JDP2: variants seen among roughly 807,000 people sequenced by gnomAD.
JDP2 encodes progesterone receptor co-activator.
Under a neutral mutation model 17.1 loss-of-function variants are expected in JDP2, and 9 were observed. The observed-to-expected ratio is 0.53, with a 90% CI of 0.32 to 0.92. The LOEUF (loss-of-function observed/expected upper bound fraction) is 0.92. JDP2 is among the 40% of genes least tolerant of loss of function. The pLI, the probability that JDP2 is intolerant of heterozygous loss-of-function variation, is 0.04. For missense variants in JDP2, 179 were observed against 220.0 expected (o/e 0.81, Z 1.18); for synonymous variants, 107 against 95.6 (o/e 1.12, Z -0.69).
rs1886788109 is a variant in JDP2 at position 75,470,747 on chromosome 14, G to A, written c.*1272G>A. On this transcript the variant is annotated 3_prime_UTR_variant, in exon 4 of 4. Coordinates refer to ENST00000651602, the MANE Select transcript of JDP2 (RefSeq NM_001135048.2). ...AAGTCTTGCCCTTGTGGGGCCTCCA[G>A]TAAGGAGTGAATCCTGTGCTTGCTC... 2 of 152,278 alleles carry A rather than the reference G, an allele frequency of 1.3e-5. No homozygotes were observed. Among genetic ancestry groups the A allele is most frequent in the Non-Finnish European group, 2.9e-5 (2 of 68,058 alleles). The allele number at this position is 152,278 out of a possible 1,614,324, so 9.4% of individuals were successfully genotyped here.
At chr14:75,453,828 A>G (rs575027578) in intron 2 of JDP2, among the ~76,000 whole-genome samples, 32 of 152,292 alleles carry the variant, frequency 2.1e-4, no homozygotes, top group African/African-American at 7.2e-4. Flanking sequence ...CCAGGCAACA[A>G]TTCTTAGTAT....
chr14:75,435,755 T>G (rs1386969086), intron 1 of JDP2, among the ~76,000 whole-genome samples: 1 of 152,186 alleles, frequency 6.6e-6, no homozygotes, highest in Non-Finnish European at 1.5e-5. Flanking sequence ...CAGATCTTTT[T>G]CTGATGGCCC....
At chr14:75,455,067 A>T (rs1162816178) in intron 2 of JDP2, among the ~76,000 whole-genome samples, 1 of 152,148 alleles carries the variant, frequency 6.6e-6, no homozygotes, top group Non-Finnish European at 1.5e-5. Context: ...TTGCAGGTGG[A>T]ATCATGACAA....
intron 1 of JDP2, among the ~76,000 whole-genome samples, chr14:75,433,195 CAAAAAA>C (rs780191475): frequency 6.2e-4 from 12 of 19,370 alleles, no homozygotes; most frequent in South Asian, 5.9e-3. Flanking sequence ...AACTCCGTCT[CAAAAAA>C]AAAAAAAAAA....
Position 75,447,996 on chromosome 14 carries a change from A to G in JDP2, c.201+9875A>G, listed in dbSNP as rs75850276. On this transcript the variant is annotated intron_variant, in intron 2 of 3. Coordinates refer to ENST00000651602, the MANE Select transcript of JDP2 (RefSeq NM_001135048.2). ...AGCTATCACCTACCTACCATTTGTAACTAACTACTAAACTGAATGCGCAAG... is the reference window on the plus strand; with the variant it reads ...AGCTATCACCTACCTACCATTTGTAGCTAACTACTAAACTGAATGCGCAAG... 5.9e-3 allele frequency among the ~76,000 whole-genome samples: 901 copies of G among 152,272 alleles called. 7 individuals are homozygous for G. Among genetic ancestry groups the G allele is most frequent in the African/African-American group, 0.021 (868 of 41,562 alleles).
intron 2 of JDP2, among the ~76,000 whole-genome samples, chr14:75,447,920 A>G (rs1885679274): frequency 1.3e-5 from 2 of 152,118 alleles, no homozygotes; most frequent in Admixed American, 1.3e-4. Context: ...TGGCCTCCCA[A>G]AGTGCTGGGA....
intron 2 of JDP2, among the ~76,000 whole-genome samples, 192 bp downstream of exon 2, chr14:75,438,313 C>G (rs1174590640): frequency 6.6e-6 from 1 of 152,146 alleles, no homozygotes; most frequent in Non-Finnish European, 1.5e-5. Context: ...CAAGATCCCC[C>G]AGGGATTCGT....
intron 2 of JDP2, among the ~76,000 whole-genome samples, chr14:75,457,485 T>C (rs1886163560): frequency 6.6e-6 from 1 of 152,250 alleles, no homozygotes; most frequent in African/African-American, 2.4e-5. Context: ...TTTCTACACC[T>C]CTGGGCAGCT....
chr14:75,468,905 G>C (rs908610907), intron 3 of JDP2, among the ~76,000 whole-genome samples: 2 of 152,230 alleles, frequency 1.3e-5, no homozygotes, highest in African/African-American at 4.8e-5. Flanking sequence ...CCGTAGACCT[G>C]CTCTAGGTCC....
At chr14:75,437,087 G>T (rs574302343) in intron 1 of JDP2, among the ~76,000 whole-genome samples, 3 of 151,206 alleles carry the variant, frequency 2.0e-5, no homozygotes, top group Admixed American at 1.3e-4. Context: ...CCAGCTACTC[G>T]TGAGGCTGAG....
Position 75,430,810 on chromosome 14 carries a change from T to TTG in JDP2, c.-24+2571_-24+2572dup, listed in dbSNP as rs373610188. On this transcript the variant is annotated intron_variant, in intron 1 of 3. Transcript: ENST00000651602. The surrounding 1 kb of genome is among the most constrained non-coding windows in gnomAD (Gnocchi z 4.5). ...TGTGCATGTGTGTGCACATGCGTTC[T>TTG]TGTGTGTGTGTGTGGTTTGGCCTCT... is the stretch of plus-strand genomic sequence containing the variant. 1.2e-4 allele frequency among the ~76,000 whole-genome samples: 18 copies of TTG among 151,866 alleles called. No homozygotes were observed. Among genetic ancestry groups the TTG allele is most frequent in the East Asian group, 3.9e-4 (2 of 5,172 alleles).
At chr14:75,448,576 A>T (rs1423271228) in intron 2 of JDP2, among the ~76,000 whole-genome samples, 3 of 152,216 alleles carry the variant, frequency 2.0e-5, no homozygotes, top group Non-Finnish European at 4.4e-5. Flanking sequence ...TGGTTCCCCG[A>T]ATCTGTGTAA....
At chr14:75,453,031 C>T (rs988057667) in intron 2 of JDP2, among the ~76,000 whole-genome samples, 1 of 152,114 alleles carries the variant, frequency 6.6e-6, no homozygotes, top group Admixed American at 6.5e-5. Flanking sequence ...TGCAGGCTGC[C>T]GGGGGTCAGC....
intron 2 of JDP2, among the ~76,000 whole-genome samples, chr14:75,457,697 C>A (rs879620093): frequency 2.0e-5 from 3 of 152,216 alleles, no homozygotes; most frequent in Non-Finnish European, 2.9e-5. Flanking sequence ...CAGCACACAC[C>A]CTAAGTTTTT....
At chr14:75,449,447 T>C (rs1885752323) in intron 2 of JDP2, among the ~76,000 whole-genome samples, 1 of 152,248 alleles carries the variant, frequency 6.6e-6, no homozygotes, top group Non-Finnish European at 1.5e-5. Context: ...CCATTTGTTG[T>C]TGTTAAAGAG....
chr14:75,435,359 C>G (rs952719943), intron 1 of JDP2, among the ~76,000 whole-genome samples: 13 of 152,194 alleles, frequency 8.5e-5, no homozygotes, highest in African/African-American at 3.1e-4. Context: ...TCTGGGCTCC[C>G]ATGCAGGCTA....
rs534899669 is a variant in JDP2 at position 75,428,247 on chromosome 14, T to A, written c.-29T>A. 2.1e-5 allele frequency: 3 copies of A among 145,756 alleles called. No individual in the cohort carries two copies. Among genetic ancestry groups the A allele is most frequent in the Non-Finnish European group, 4.6e-5 (3 of 65,534 alleles). 9.0% of individuals were successfully genotyped at this position (145,756 alleles called of 1,614,324 possible). On this transcript the variant is annotated 5_prime_UTR_variant, in exon 1 of 4. Coordinates refer to ENST00000651602, the MANE Select transcript of JDP2 (RefSeq NM_001135048.2). This position sits in a 1 kb window ranked among gnomAD's most constrained non-coding sequence, Gnocchi z 5.6. ...GGGCGCCGCCTCCCCCCGCACCTTCTGCACGGTGGGTGCGAGGGCGCGCGC... is the reference window on the plus strand; with the variant it reads ...GGGCGCCGCCTCCCCCCGCACCTTCAGCACGGTGGGTGCGAGGGCGCGCGC...
At chr14:75,432,949 C>T (rs1384077272) in intron 1 of JDP2, among the ~76,000 whole-genome samples, 1 of 151,912 alleles carries the variant, frequency 6.6e-6, no homozygotes, top group East Asian at 1.9e-4. Flanking sequence ...CGCCCGTAAT[C>T]CCAGCACTTT....
chr14:75,451,071 C>G (rs11844314), intron 2 of JDP2, among the ~76,000 whole-genome samples: 1 of 152,104 alleles, frequency 6.6e-6, no homozygotes, highest in South Asian at 2.1e-4. Context: ...GAGCATAGAG[C>G]GGAACCCTGG....
Sources: gnomAD v4.1 joint callset for allele counts (sites outside exome capture counted in the v4.1 genomes callset) on GRCh38, gnomAD v4.1.1 for gene constraint, Gnocchi (gnomAD v3.1) non-coding constraint, MANE v1.5 for transcripts, NCBI Gene and HGNC (gene_info 2026-07-23, HGNC 2026-07-21) for gene names.